Variants in PSD3 observed in about 807,000 individuals in gnomAD.
PSD3 encodes PH and SEC7 domain-containing protein 3.
PSD3 carries 49 observed loss-of-function variants against 105.5 expected under a neutral mutation model. That is an observed-to-expected ratio of 0.46 (90% CI 0.37 to 0.59). PSD3 has a LOEUF of 0.59. Ranked by LOEUF, PSD3 falls within the 20% of genes least tolerant of loss-of-function variation. The pLI is 0.00. For missense variants in PSD3, 1,561 were observed against 1,263.8 expected (o/e 1.24, Z -3.57); for synonymous variants, 557 against 457.8 (o/e 1.22, Z -2.77).
intron 15 of PSD3, among the ~76,000 whole-genome samples, chr8:18,550,361 T>C (rs1800686896): frequency 6.6e-6 from 1 of 152,212 alleles, no homozygotes; most frequent in African/African-American, 2.4e-5. Context: ...AAAATGCAAT[T>C]CCAAATGACA....
At chr8:18,702,255 G>A (rs536966003) in intron 9 of PSD3, among the ~76,000 whole-genome samples, 6 of 152,224 alleles carry the variant, frequency 3.9e-5, no homozygotes, top group African/African-American at 7.2e-5. Flanking sequence ...ACATTCTCCC[G>A]GATGACTTCA....
chr8:18,965,814 T>C lies in PSD3; in HGVS notation c.22-29672A>G, dbSNP rs576492494. On this transcript the variant is annotated intron_variant, in intron 1 of 15. Coordinates refer to ENST00000327040, the MANE Select transcript of PSD3 (RefSeq NM_015310.4). ...GGATCTGAAGCTTAATACAGAATTG[T>C]AATGCGAAAAGCAACACGTGAACAA... 1.6e-4 allele frequency among the ~76,000 whole-genome samples: 24 copies of C among 152,288 alleles called. No individual in the cohort carries two copies. In the South Asian group the frequency reaches 4.6e-3, roughly 29 times the overall value.
At chr8:18,700,198 C>T (rs773114045) in intron 9 of PSD3, among the ~76,000 whole-genome samples, 4 of 152,088 alleles carry the variant, frequency 2.6e-5, no homozygotes, top group Non-Finnish European at 5.9e-5. Context: ...AAAAACCAAA[C>T]CCAGACAATA....
At chr8:19,071,776 A>G (rs1464455551) in intron 1 of PSD3, among the ~76,000 whole-genome samples, 1 of 152,032 alleles carries the variant, frequency 6.6e-6, no homozygotes, top group Non-Finnish European at 1.5e-5. Flanking sequence ...GCTGGAGTGC[A>G]ATGGCTCACT....
chr8:18,580,886 G>A (rs1248704409), intron 12 of PSD3, among the ~76,000 whole-genome samples: 1 of 152,080 alleles, frequency 6.6e-6, no homozygotes, highest in Admixed American at 6.6e-5. Context: ...ATGCACTAAC[G>A]AGCCACCTAC....
At chr8:18,649,913 G>C (rs1263586748) in intron 10 of PSD3, among the ~76,000 whole-genome samples, 2 of 152,146 alleles carry the variant, frequency 1.3e-5, no homozygotes, top group African/African-American at 4.8e-5. Flanking sequence ...GTTTCCTGAG[G>C]CTTCCCCAGA....
chr8:18,582,376 C>T (rs1390184552), intron 12 of PSD3, among the ~76,000 whole-genome samples: 3 of 152,134 alleles, frequency 2.0e-5, no homozygotes, highest in African/African-American at 7.2e-5. Context: ...CATCTCTTAA[C>T]ATCTCTGGTA....
At chr8:18,799,382 T>A (rs775459633) in intron 7 of PSD3, 29 bp from the exon 8 acceptor site, 69 of 1,543,918 alleles carry the variant, frequency 4.5e-5, no homozygotes, top group Non-Finnish European at 3.3e-5. Context: ...AAAAAAAGCA[T>A]GAATTCGCTT....
chr8:18,599,168 G>A (rs1193762537), intron 12 of PSD3, among the ~76,000 whole-genome samples: 2 of 152,098 alleles, frequency 1.3e-5, no homozygotes, highest in African/African-American at 4.8e-5. Flanking sequence ...ATATTACCAA[G>A]CTACAACATC....
intron 1 of PSD3, among the ~76,000 whole-genome samples, chr8:18,975,434 T>G (rs1824888379): frequency 6.6e-6 from 1 of 151,980 alleles, no homozygotes; most frequent in Non-Finnish European, 1.5e-5. Flanking sequence ...GGAAGGCATA[T>G]GCTAAAAGTC....
chr8:18,680,467 T>C (rs966999465), intron 9 of PSD3, among the ~76,000 whole-genome samples: 1 of 152,178 alleles, frequency 6.6e-6, no homozygotes, highest in African/African-American at 2.4e-5. Context: ...CCAGAAGCCT[T>C]GCTAGTAACT....
chr8:19,059,313 C>T (rs17385110), intron 1 of PSD3, among the ~76,000 whole-genome samples: 92,452 of 152,092 alleles, frequency 0.61, 28,670 homozygotes, highest in African/African-American at 0.73. Context: ...CCTTTACCTG[C>T]GTAGGAAGAT....
intron 8 of PSD3, among the ~76,000 whole-genome samples, chr8:18,791,264 C>T (rs1480161935): frequency 6.6e-6 from 1 of 152,072 alleles, no homozygotes; most frequent in South Asian, 2.1e-4. Flanking sequence ...ACCACCCAGA[C>T]AGTCAAAGCA....
At chr8:18,828,686 C>T (rs545281412) in intron 4 of PSD3, among the ~76,000 whole-genome samples, 3 of 152,158 alleles carry the variant, frequency 2.0e-5, no homozygotes, top group South Asian at 2.1e-4. Flanking sequence ...TGGGGCTGGG[C>T]GAGGTGGCTC....
At chr8:18,681,931 T>C (rs1347826141) in intron 9 of PSD3, among the ~76,000 whole-genome samples, 1 of 151,884 alleles carries the variant, frequency 6.6e-6, no homozygotes, top group Non-Finnish European at 1.5e-5. Context: ...TAAGGTATCA[T>C]GTGATGGCCT....
chr8:19,007,634 G>C (rs896907541), intron 1 of PSD3, among the ~76,000 whole-genome samples: 8 of 152,026 alleles, frequency 5.3e-5, no homozygotes, highest in Non-Finnish European at 8.8e-5. Context: ...ACTCGCACTA[G>C]TACGATCCAA....
intron 8 of PSD3, among the ~76,000 whole-genome samples, chr8:18,791,074 A>T (rs1809677149): frequency 6.6e-6 from 1 of 152,198 alleles, no homozygotes; most frequent in African/African-American, 2.4e-5. Flanking sequence ...AAAATCAGAG[A>T]TGACACTAAC....
At chr8:19,047,448 T>A (rs1020667720) in intron 1 of PSD3, among the ~76,000 whole-genome samples, 8 of 152,152 alleles carry the variant, frequency 5.3e-5, no homozygotes, top group African/African-American at 1.9e-4. Flanking sequence ...TGCCCTAGGA[T>A]AAATGTCACT....
intron 2 of PSD3, among the ~76,000 whole-genome samples, chr8:18,925,848 A>T (rs1821328115): frequency 6.6e-6 from 1 of 152,230 alleles, no homozygotes. Context: ...CTCAACTGCT[A>T]CTGGTGTTTC....
Sources: allele counts gnomAD v4.1 joint callset (sites outside exome capture counted in the v4.1 genomes callset), GRCh38; gene constraint gnomAD v4.1.1; transcripts MANE v1.5; gene names NCBI Gene and HGNC (gene_info 2026-07-23, HGNC 2026-07-21).